The following LRCH3 variants were observed in gnomAD, a reference collection of about 807,000 sequenced individuals.
LRCH3 encodes leucine rich repeats and calponin homology domain containing 3, also known as DISP complex protein LRCH3.
LRCH3 carries 68 observed loss-of-function variants against 104.5 expected under a neutral mutation model. The ratio of observed to expected loss-of-function variants is 0.65; its 90% CI spans 0.54 to 0.80. The LOEUF is 0.80. LRCH3 is among the 30% of genes least tolerant of loss of function. The pLI, the probability that LRCH3 is intolerant of heterozygous loss-of-function variation, is 0.00. For synonymous variants in LRCH3, 344 were observed against 361.3 expected (o/e 0.95, Z 0.54); for missense variants, 951 against 953.9 (o/e 1.00, Z 0.04).
At chr3:197,825,386 C>A (rs1024697631) in intron 4 of LRCH3, among the ~76,000 whole-genome samples, 3 of 86,160 alleles carry the variant, frequency 3.5e-5, no homozygotes, top group African/African-American at 8.7e-5. Flanking sequence ...AAATAATTTT[C>A]TTTCTTCTGG....
chr3:197,874,899 T>C (rs1437760612), intron 19 of LRCH3, among the ~76,000 whole-genome samples: 1 of 151,964 alleles, frequency 6.6e-6, no homozygotes, highest in African/African-American at 2.4e-5. Flanking sequence ...TTCAAGCTCC[T>C]GGCAGACTCG....
intron 3 of LRCH3, among the ~76,000 whole-genome samples, chr3:197,819,579 G>A (rs568832239): frequency 2.4e-4 from 36 of 152,116 alleles, no homozygotes; most frequent in Admixed American, 1.8e-3. Flanking sequence ...AGCTGGGTGT[G>A]GTGGTGGGTG....
intron 1 of LRCH3, among the ~76,000 whole-genome samples, chr3:197,802,143 A>AT (rs2109119167): frequency 6.6e-6 from 1 of 152,282 alleles, no homozygotes; most frequent in African/African-American, 2.4e-5. Context: ...GTTTACCAAG[A>AT]TTGTGCCTCT....
intron 1 of LRCH3, among the ~76,000 whole-genome samples, chr3:197,807,342 A>G (rs577308593): frequency 2.7e-5 from 4 of 150,616 alleles, no homozygotes; most frequent in South Asian, 2.1e-4. Context: ...TCAGCCTCCC[A>G]AGTAGCTGGG....
intron 17 of LRCH3, among the ~76,000 whole-genome samples, chr3:197,869,765 C>T (rs1711877212): frequency 7.7e-6 from 1 of 130,160 alleles, no homozygotes; most frequent in Non-Finnish European, 1.6e-5. Flanking sequence ...GAAAGCGATG[C>T]ACTGTACCTG....
intron 2 of LRCH3, among the ~76,000 whole-genome samples, chr3:197,815,316 A>G (rs1346193568): frequency 2.0e-5 from 3 of 152,212 alleles, no homozygotes; most frequent in African/African-American, 7.2e-5. Flanking sequence ...CATTTCCCAC[A>G]TAATCCACCA....
At chr3:197,821,264 C>T (rs1669818500) in intron 4 of LRCH3, among the ~76,000 whole-genome samples, 1 of 152,060 alleles carries the variant, frequency 6.6e-6, no homozygotes, top group African/African-American at 2.4e-5. Context: ...TGAGAGACTG[C>T]GCTAAGAGAC....
At chr3:197,881,169 G>A (rs756749663) in intron 20 of LRCH3, 86 of 1,009,320 alleles carry the variant, frequency 8.5e-5, no homozygotes, top group Non-Finnish European at 9.6e-5. Flanking sequence ...GAGAACCGTC[G>A]TGCCTTTTCT....
chr3:197,793,569 C>T (rs1162600462), intron 1 of LRCH3, among the ~76,000 whole-genome samples: 3 of 152,198 alleles, frequency 2.0e-5, no homozygotes, highest in Non-Finnish European at 4.4e-5. Context: ...ACCTGCTTTT[C>T]AGTAGGTCTA....
At chr3:197,807,948 A>T (rs1732690140) in intron 1 of LRCH3, among the ~76,000 whole-genome samples, 1 of 152,210 alleles carries the variant, frequency 6.6e-6, no homozygotes, top group African/African-American at 2.4e-5. Flanking sequence ...AAACAGTCTT[A>T]TAATTTTTGC....
chr3:197,849,935 G>A (rs1739339116), intron 12 of LRCH3, among the ~76,000 whole-genome samples: 1 of 152,208 alleles, frequency 6.6e-6, no homozygotes, highest in Non-Finnish European at 1.5e-5. Flanking sequence ...AGCTTATAAT[G>A]AAAGTGCTAG....
intron 16 of LRCH3, 88 bp downstream of exon 16, chr3:197,865,559 CCTTT>C (rs1434814452): frequency 1.7e-5 from 15 of 870,136 alleles, no homozygotes; most frequent in Middle Eastern, 3.7e-4. Context: ...AGAGACGAGG[CCTTT>C]CTGTGTTGAC....
intron 1 of LRCH3, among the ~76,000 whole-genome samples, chr3:197,812,872 A>G: frequency 6.6e-6 from 1 of 152,096 alleles, no homozygotes; most frequent in East Asian, 1.9e-4. Flanking sequence ...AGTTCTTTTC[A>G]TTCTATTCCC....
chr3:197,849,684 G>A (rs1299145648), intron 12 of LRCH3, among the ~76,000 whole-genome samples: 4 of 152,162 alleles, frequency 2.6e-5, no homozygotes, highest in African/African-American at 9.7e-5. Context: ...TCACAGATGA[G>A]GAAGCTGTAG....
In LRCH3 at chr3:197,874,024, G is replaced by GAAAAA. The variant is rs34903890; in HGVS notation, c.2131-1660_2131-1656dup. Among the ~76,000 whole-genome samples the GAAAAA allele has an allele frequency of 4.5e-5, 5 of 112,296 alleles. No homozygotes were observed. In the South Asian group the frequency reaches 8.2e-4, roughly 19 times the overall value. The allele number at this position is 112,296 out of a possible 152,430, so 73.7% of individuals were successfully genotyped here. Reference sequence around the variant, plus strand: ...GACAGAGTGAGACTCTGTCTCAAAAGAAAAAAAAAAAAAAAAAAGACTGAA... The same window carrying GAAAAA: ...GACAGAGTGAGACTCTGTCTCAAAAGAAAAAAAAAAAAAAAAAAAAAAAGACTGAA... On this transcript the variant is annotated intron_variant, in intron 19 of 20. Transcript: ENST00000425562.
At chr3:197,829,977 G>T (rs914194765) in intron 6 of LRCH3, among the ~76,000 whole-genome samples, 4 of 152,174 alleles carry the variant, frequency 2.6e-5, no homozygotes, top group Non-Finnish European at 5.9e-5. Context: ...GATGCCAGTA[G>T]TACCCTCGCA....
intron 9 of LRCH3, among the ~76,000 whole-genome samples, chr3:197,838,355 C>A (rs1737215210): frequency 6.6e-6 from 1 of 152,164 alleles, no homozygotes; most frequent in Non-Finnish European, 1.5e-5. Context: ...GATCTCATGT[C>A]CAGACTTTAA....
chr3:197,879,462 T>G lies in LRCH3; in HGVS notation c.2208+3687T>G, dbSNP rs61793823. Among the ~76,000 whole-genome samples, 11 of 150,102 alleles carry G rather than the reference T, an allele frequency of 7.3e-5. 1 individual carries two copies. The highest frequency in any genetic ancestry group is 1.9e-4 in the East Asian group (1 of 5,144). On this transcript the variant is annotated intron_variant, in intron 20 of 20. Coordinates refer to ENST00000425562, the MANE Select transcript of LRCH3 (RefSeq NM_001365715.1). ...GAGATCGAGACCATCCTGGCTAACATGGTGAAACCCCGTCTCTACTAAAAA... is the reference window on the plus strand; with the variant it reads ...GAGATCGAGACCATCCTGGCTAACAGGGTGAAACCCCGTCTCTACTAAAAA...
At chr3:197,803,673 A>G (rs1043309002) in intron 1 of LRCH3, among the ~76,000 whole-genome samples, 3 of 152,022 alleles carry the variant, frequency 2.0e-5, no homozygotes, top group Non-Finnish European at 4.4e-5. Context: ...AAAAAAAAAA[A>G]AGAATTTGCT....
Sources: gnomAD v4.1 joint callset for allele counts (sites outside exome capture counted in the v4.1 genomes callset) on GRCh38, gnomAD v4.1.1 for gene constraint, MANE v1.5 for transcripts, NCBI Gene and HGNC (gene_info 2026-07-23, HGNC 2026-07-21) for gene names.